RFC1: variants seen among roughly 807,000 people sequenced by gnomAD.
The protein encoded by RFC1 is replication factor C subunit 1.
Under a neutral mutation model 137.4 loss-of-function variants are expected in RFC1, and 37 were observed. The observed-to-expected ratio is 0.27, with a 90% CI of 0.21 to 0.35. RFC1 has a LOEUF of 0.35. RFC1 is among the 10% of genes least tolerant of loss of function. The pLI is 1.00. For missense variants in RFC1, 1,205 were observed against 1,358.5 expected (o/e 0.89, Z 1.78); for synonymous variants, 429 against 455.7 (o/e 0.94, Z 0.75).
chr4:39,338,911 C>A (rs924292859), intron 4 of RFC1, among the ~76,000 whole-genome samples: 1 of 152,212 alleles, frequency 6.6e-6, no homozygotes, highest in East Asian at 1.9e-4. Context: ...TCAATATCTC[C>A]CCATGTCCTC....
intron 23 of RFC1, among the ~76,000 whole-genome samples, chr4:39,291,026 T>C (rs1320025768): frequency 1.3e-5 from 2 of 152,174 alleles, no homozygotes; most frequent in Non-Finnish European, 2.9e-5. Flanking sequence ...CTGATAACCA[T>C]AAAGTCGGGT....
chr4:39,341,866 T>G (rs893546245), intron 4 of RFC1, among the ~76,000 whole-genome samples: 1 of 152,320 alleles, frequency 6.6e-6, no homozygotes, highest in South Asian at 2.1e-4. Context: ...TTAAAACAGA[T>G]GTAACAGAAC....
At chr4:39,350,763 T>C (rs1741142505) in intron 2 of RFC1, among the ~76,000 whole-genome samples, 1 of 152,014 alleles carries the variant, frequency 6.6e-6, no homozygotes, top group Admixed American at 6.6e-5. Flanking sequence ...TGAAAGAAAA[T>C]GATATTAGAC....
chr4:39,361,002 C>G (rs553415938), intron 1 of RFC1, among the ~76,000 whole-genome samples: 1 of 152,138 alleles, frequency 6.6e-6, no homozygotes, highest in African/African-American at 2.4e-5. Context: ...AATCTTTTAT[C>G]CTGAAAATCA....
At chr4:39,340,231 T>C (rs1159441871) in intron 4 of RFC1, among the ~76,000 whole-genome samples, 1 of 152,158 alleles carries the variant, frequency 6.6e-6, no homozygotes, top group Admixed American at 6.5e-5. Context: ...AAAGTCAGAA[T>C]ACAGAAGATA....
intron 23 of RFC1, 55 bp from the exon 24 acceptor site, chr4:39,290,094 T>G: frequency 7.5e-7 from 1 of 1,341,346 alleles, no homozygotes; most frequent in Non-Finnish European, 1.0e-6. Flanking sequence ...AACAATTCTT[T>G]TAAACTCTGT....
intron 1 of RFC1, among the ~76,000 whole-genome samples, chr4:39,355,069 G>C (rs1276776439): frequency 8.1e-6 from 1 of 124,054 alleles, no homozygotes; most frequent in African/African-American, 3.2e-5. Context: ...GCGACAGAGC[G>C]ACACTCATCT....
intron 12 of RFC1, among the ~76,000 whole-genome samples, chr4:39,310,806 T>C (rs17335139): frequency 0.023 from 3,524 of 152,298 alleles, 134 homozygotes; most frequent in African/African-American, 0.08. Context: ...TATTAAAATA[T>C]CCTTTAAGGA....
At chr4:39,345,288 T>C in intron 3 of RFC1, 113 bp downstream of exon 3, 3 of 798,570 alleles carry the variant, frequency 3.8e-6, no homozygotes, top group Non-Finnish European at 5.8e-6. Context: ...GTGCTGCGAT[T>C]GCGATTACAG....
At chr4:39,334,153 C>T (rs1037594508) in intron 4 of RFC1, among the ~76,000 whole-genome samples, 1 of 151,936 alleles carries the variant, frequency 6.6e-6, no homozygotes, top group African/African-American at 2.4e-5. Flanking sequence ...ATGAGAATAA[C>T]ATTAAAAAAA....
At chr4:39,302,476 T>C (rs1738410851) in intron 18 of RFC1, 24 bp downstream of exon 18, 1 of 1,525,776 alleles carries the variant, frequency 6.6e-7, no homozygotes. Flanking sequence ...TCAACAACTG[T>C]TACATGATAT....
intron 1 of RFC1, among the ~76,000 whole-genome samples, chr4:39,352,332 T>C (rs1741252005): frequency 6.6e-6 from 1 of 152,234 alleles, no homozygotes; most frequent in South Asian, 2.1e-4. Flanking sequence ...TTGATGCTTA[T>C]TACAATATGC....
chr4:39,296,716 T>A (rs1368384304), intron 21 of RFC1, among the ~76,000 whole-genome samples: 3 of 151,366 alleles, frequency 2.0e-5, no homozygotes, highest in African/African-American at 7.3e-5. Flanking sequence ...TAAACATACA[T>A]GTGCATGTGT....
intron 1 of RFC1, among the ~76,000 whole-genome samples, chr4:39,362,461 C>A (rs1741809018): frequency 1.3e-5 from 2 of 152,148 alleles, no homozygotes; most frequent in South Asian, 4.1e-4. Flanking sequence ...TGGAACAGAA[C>A]TGGGAGTTTA....
At position 39,306,668 on chromosome 4, in the gene RFC1, C is replaced by T. The variant is rs374867437; in HGVS notation, c.1919G>A (p.Gly640Asp). 2 of 1,613,686 alleles carry T rather than the reference C, an allele frequency of 1.2e-6. No individual in the cohort carries two copies. The highest frequency in any genetic ancestry group is 1.7e-6 in the Non-Finnish European group (2 of 1,179,746). Reference sequence around the variant, plus strand: ...CAGCAACGCTGCTTTAAAACTAGAGCCATCATCTTTGCCGGAAAATTTACC... The same window carrying T: ...CAGCAACGCTGCTTTAAAACTAGAGTCATCATCTTTGCCGGAAAATTTACC... Reference protein sequence around the residue: ...KFGKFSGKDDGSSFKAALLSG... With the variant: ...KFGKFSGKDDDSSFKAALLSG... The change falls in exon 14 of 25, where the codon GGC becomes GAC. Residue 640 changes from glycine (G) to aspartate (D), a missense_variant. Coordinates refer to ENST00000349703, the MANE Select transcript of RFC1 (RefSeq NM_002913.5).
intron 13 of RFC1, 61 bp downstream of exon 13, chr4:39,308,575 C>A (rs1310139534): frequency 5.2e-6 from 8 of 1,539,004 alleles, no homozygotes; most frequent in Non-Finnish European, 7.0e-6. Context: ...CATATATGTG[C>A]CACTGAGCAA....
Position 39,288,532 on chromosome 4 carries a change from A to G in RFC1, c.*229T>C. The G allele has an allele frequency of 2.5e-6, 1 of 401,134 alleles. No homozygotes were observed. The highest frequency in any genetic ancestry group is 6.3e-5 in the South Asian group (1 of 15,862). The allele number at this position is 401,134 out of a possible 1,614,324, so 24.8% of individuals were successfully genotyped here. ...TTCAGAAGCACGTCTAACTAGATTG[A>G]CAGAGGACAGTGGAGGACCCAAGCA... On this transcript the variant is annotated 3_prime_UTR_variant, in exon 25 of 25. Coordinates refer to ENST00000349703, the MANE Select transcript of RFC1 (RefSeq NM_002913.5).
At position 39,287,971 on chromosome 4, in the gene RFC1, C is replaced by A. The variant is rs1321923785; in HGVS notation, c.*790G>T. Reference sequence around the variant, plus strand: ...CTGCAGCCCCCCACGCTGCAAAGCCCCATAACAGACCACTGCATGAAATCC... The same window carrying A: ...CTGCAGCCCCCCACGCTGCAAAGCCACATAACAGACCACTGCATGAAATCC... On this transcript the variant is annotated 3_prime_UTR_variant, in exon 25 of 25. Transcript: ENST00000349703. 6 of 152,160 alleles carry A rather than the reference C, an allele frequency of 3.9e-5. No individual in the cohort carries two copies. The highest frequency in any genetic ancestry group is 3.9e-4 in the Admixed American group (6 of 15,266). 9.4% of individuals were successfully genotyped at this position (152,160 alleles called of 1,614,324 possible).
chr4:39,300,349 C>T lies in RFC1; in HGVS notation c.2601G>A (p.Val867=), dbSNP rs748592018. The T allele has an allele frequency of 6.2e-7, 1 of 1,613,686 alleles. No individual in the cohort carries two copies. Among genetic ancestry groups the T allele is most frequent in the South Asian group, 1.1e-5 (1 of 91,072 alleles). ...AGEETAHMSL[V]DKSDLFFHDY... The stretch of plus-strand genomic sequence containing the variant: ...CATGAAAAAAGAGATCTGACTTGTC[C>T]ACAAGTGACATGTGAGCAGTCTCCT... Residue 867 remains valine, a synonymous_variant, in exon 20 of 25, where the codon GTG becomes GTA. Transcript: ENST00000349703.
Sources: gnomAD v4.1 joint callset for allele counts (sites outside exome capture counted in the v4.1 genomes callset) on GRCh38, gnomAD v4.1.1 for gene constraint, MANE v1.5 for transcripts, NCBI Gene and HGNC (gene_info 2026-07-23, HGNC 2026-07-21) for gene names.